Variants in ARHGAP35 observed in about 807,000 individuals in gnomAD.
ARHGAP35 encodes the protein rho GTPase-activating protein 35.
ARHGAP35 carries 15 observed loss-of-function variants against 111.1 expected under a neutral mutation model. The observed-to-expected ratio is 0.13, with a 90% CI of 0.09 to 0.21. ARHGAP35 has a LOEUF of 0.21. Ranked by LOEUF, ARHGAP35 falls within the 10% of genes least tolerant of loss-of-function variation. The probability of loss-of-function intolerance (pLI) is 1.00; values close to 1 mark genes in which losing one functional copy is unlikely to be tolerated. For missense variants in ARHGAP35, 1,262 were observed against 1,873.0 expected (o/e 0.67, Z 6.02); for synonymous variants, 643 against 710.3 (o/e 0.91, Z 1.51).
intron 1 of ARHGAP35, among the ~76,000 whole-genome samples, chr19:46,882,595 A>G (rs1181398485): frequency 6.6e-6 from 1 of 152,158 alleles, no homozygotes; most frequent in East Asian, 1.9e-4. Context: ...TCGACCTGTC[A>G]TCTAGGTTTT....
chr19:46,869,825 G>A (rs1385891671), intron 1 of ARHGAP35, among the ~76,000 whole-genome samples: 1 of 151,934 alleles, frequency 6.6e-6, no homozygotes, highest in Non-Finnish European at 1.5e-5. Flanking sequence ...CTAAATGATT[G>A]GTGATAAAAT....
chr19:46,999,234 C>A lies in ARHGAP35; in HGVS notation c.4037-70C>A. 1 of 1,062,334 alleles carries A rather than the reference C, an allele frequency of 9.4e-7. No individual in the cohort carries two copies. The highest frequency in any genetic ancestry group is 1.4e-6 in the Non-Finnish European group (1 of 707,880). 65.8% of individuals were successfully genotyped at this position (1,062,334 alleles called of 1,614,324 possible). The stretch of plus-strand genomic sequence containing the variant: ...GGCTGTCCTCAGAGAAGGCCCATCA[C>A]AGAGCACGCCCTGGGGTGGCCACCA... On this transcript the variant is annotated intron_variant, in intron 5 of 6. Transcript: ENST00000672722. The surrounding 1 kb of genome is among the most constrained non-coding windows in gnomAD (Gnocchi z 5.4).
At chr19:46,871,716 T>C (rs2055888488) in intron 1 of ARHGAP35, among the ~76,000 whole-genome samples, 1 of 150,920 alleles carries the variant, frequency 6.6e-6, no homozygotes, top group Non-Finnish European at 1.5e-5. Context: ...CAGTGGCTCA[T>C]GCCTGTAATC....
At position 46,937,403 on chromosome 19, in the gene ARHGAP35, C is replaced by T. The variant is rs760529239; in HGVS notation, c.3821C>T (p.Ala1274Val). The T allele has an allele frequency of 6.2e-7, 1 of 1,613,862 alleles. No homozygotes were observed. Among genetic ancestry groups the T allele is most frequent in the South Asian group, 1.1e-5 (1 of 91,070 alleles). ...GAAAGATGTATTGAGTACATTGAAG[C>T]CACAGGTAAGAGTATTACCTCATAG... ...FIERCIEYIE[A>V]TGLSTEGIYR... is the part of the protein sequence containing the mutation. The change falls in exon 3 of 7, where the codon GCC becomes GTC. Residue 1274 changes from alanine to valine, a missense_variant. Physicochemically the swap from Ala to Val is moderately conservative, Grantham distance 64. Transcript: ENST00000672722.
At chr19:46,941,249 G>A (rs1219154945) in intron 3 of ARHGAP35, among the ~76,000 whole-genome samples, 2 of 152,082 alleles carry the variant, frequency 1.3e-5, no homozygotes, top group Non-Finnish European at 2.9e-5. Flanking sequence ...CTTTTTGCCT[G>A]TGGAACTTAT....
Position 46,918,940 on chromosome 19 carries a change from T to G in ARHGAP35, c.265T>G (p.Cys89Gly). Reference sequence around the variant, plus strand: ...CCGCTCCCTGGAGGATTGTGTGGAATGTAAGATGCACATTGTGGAGCAGAC... The same window carrying G: ...CCGCTCCCTGGAGGATTGTGTGGAAGGTAAGATGCACATTGTGGAGCAGAC... ...VSRSLEDCVE[C>G]KMHIVEQTEF... The change falls in exon 2 of 7, where the codon TGT (cysteine) becomes GGT (glycine). Residue 89 changes from cysteine to glycine, a missense_variant. Transcript: ENST00000672722. The surrounding 1 kb of genome is among the most constrained non-coding windows in gnomAD (Gnocchi z 5.4). The G allele has an allele frequency of 6.2e-7, 1 of 1,614,000 alleles. No individual in the cohort carries two copies. Among genetic ancestry groups the G allele is most frequent in the Non-Finnish European group, 8.5e-7 (1 of 1,179,890 alleles).
intron 2 of ARHGAP35, among the ~76,000 whole-genome samples, chr19:46,934,936 G>C (rs577807828): frequency 1.3e-5 from 2 of 152,238 alleles, no homozygotes; most frequent in Admixed American, 6.5e-5. Context: ...GCCTCCCATA[G>C]TGCTAGGATT....
chr19:46,937,532 A>G, intron 3 of ARHGAP35, 124 bp downstream of exon 3: 3 of 1,105,756 alleles, frequency 2.7e-6, no homozygotes, highest in Non-Finnish European at 2.7e-6. Context: ...TTGGAGAAGG[A>G]GCTGAGCAGT....
Position 46,910,458 on chromosome 19 carries a change from AT to A in ARHGAP35, c.-188-8015del, listed in dbSNP as rs775045850. 4.6e-3 allele frequency among the ~76,000 whole-genome samples: 639 copies of A among 138,786 alleles called. 1 individual carries two copies. The highest frequency in any genetic ancestry group is 5.5e-3 in the East Asian group (26 of 4,752). The allele number at this position is 138,786 out of a possible 152,430, so 91.0% of individuals were successfully genotyped here. A position where few individuals can be genotyped will look rare whatever the true frequency, so the allele number is the denominator to read the frequency against. ...TGGCATGCACCACCTCACCCAGCGA[AT>A]TTTTTTTTTTTTTTGTATTTTGGGG... is the stretch of plus-strand genomic sequence containing the variant. On this transcript the variant is annotated intron_variant, in intron 1 of 6. Coordinates refer to ENST00000672722, the MANE Select transcript of ARHGAP35 (RefSeq NM_004491.5).
At chr19:46,876,623 G>A (rs552088368) in intron 1 of ARHGAP35, among the ~76,000 whole-genome samples, 14 of 151,530 alleles carry the variant, frequency 9.2e-5, no homozygotes, top group Non-Finnish European at 1.9e-4. Flanking sequence ...CACCTGCCTC[G>A]GCCTCCCAAA....
At position 46,918,055 on chromosome 19, in the gene ARHGAP35, A is replaced by G. The variant is rs1269512102; in HGVS notation, c.-188-433A>G. On this transcript the variant is annotated intron_variant, in intron 1 of 6. Transcript: ENST00000672722. This position sits in a 1 kb window ranked among gnomAD's most constrained non-coding sequence, Gnocchi z 5.4. ...CAGTGGGTTTATAATTCATTACCAT[A>G]CTTAATTATTGTGGCGCTCAAATTG... 6.6e-6 allele frequency among the ~76,000 whole-genome samples: 1 copy of G among 152,132 alleles called. No individual in the cohort carries two copies. The highest frequency in any genetic ancestry group is 1.5e-5 in the Non-Finnish European group (1 of 68,028).
At chr19:46,875,334 T>G (rs1011461814) in intron 1 of ARHGAP35, among the ~76,000 whole-genome samples, 1 of 152,172 alleles carries the variant, frequency 6.6e-6, no homozygotes, top group African/African-American at 2.4e-5. Flanking sequence ...TGTGAGATTT[T>G]TGTCTTTTGT....
chr19:46,961,031 A>T (rs1368124550), intron 3 of ARHGAP35, among the ~76,000 whole-genome samples: 1 of 151,832 alleles, frequency 6.6e-6, no homozygotes, highest in East Asian at 1.9e-4. Flanking sequence ...AGTAGCTGGG[A>T]TTACCGGCGC....
At chr19:46,875,644 CTT>C (rs1344090391) in intron 1 of ARHGAP35, among the ~76,000 whole-genome samples, 1 of 152,012 alleles carries the variant, frequency 6.6e-6, no homozygotes, top group Non-Finnish European at 1.5e-5. Context: ...TTGCCACAGT[CTT>C]TTTATTTTTA....
chr19:46,875,187 G>A lies in ARHGAP35; in HGVS notation c.-189+13978G>A, dbSNP rs146231221. ...TATTGTTGTTTTTATTTAACAAGACGTCTACACATATATCTATTAAATATT... is the reference window on the plus strand; with the variant it reads ...TATTGTTGTTTTTATTTAACAAGACATCTACACATATATCTATTAAATATT... On this transcript the variant is annotated intron_variant, in intron 1 of 6. Coordinates refer to ENST00000672722, the MANE Select transcript of ARHGAP35 (RefSeq NM_004491.5). 9.6e-3 allele frequency among the ~76,000 whole-genome samples: 1,453 copies of A among 152,102 alleles called. 19 individuals carry two copies. Among genetic ancestry groups the A allele is most frequent in the Non-Finnish European group, 0.013 (864 of 68,000 alleles).
chr19:46,880,831 A>T (rs959262828), intron 1 of ARHGAP35, among the ~76,000 whole-genome samples: 1 of 151,430 alleles, frequency 6.6e-6, no homozygotes, highest in Non-Finnish European at 1.5e-5. Flanking sequence ...ACATGCTGCC[A>T]TGCTGGACTA....
intron 3 of ARHGAP35, among the ~76,000 whole-genome samples, chr19:46,977,282 G>A (rs929423786): frequency 3.9e-5 from 6 of 152,196 alleles, no homozygotes; most frequent in African/African-American, 9.7e-5. Context: ...AACCCACTAC[G>A]TTCCTAGTGA....
chr19:46,919,551 G>A lies in ARHGAP35; in HGVS notation c.876G>A (p.Trp292Ter). 1.2e-6 allele frequency: 2 copies of A among 1,613,970 alleles called. No homozygotes were observed. Among genetic ancestry groups the A allele is most frequent in the Non-Finnish European group, 1.7e-6 (2 of 1,179,902 alleles). The stretch of plus-strand genomic sequence containing the variant: ...TTGTGAAAAACCACAATGAGAACTG[G>A]CTGAGTGTCAGCCGAAAGATGCAGG... ...SRIVKNHNEN[W>*]LSVSRKMQAS... The change falls in exon 2 of 7, where the codon TGG (tryptophan) becomes TGA (stop). Residue 292 changes from tryptophan (W) to a stop codon, truncating the protein, a stop_gained. Coordinates refer to ENST00000672722, the MANE Select transcript of ARHGAP35 (RefSeq NM_004491.5). LOFTEE classifies it high-confidence loss of function. The surrounding 1 kb of genome is among the most constrained non-coding windows in gnomAD (Gnocchi z 6.2).
At position 46,932,244 on chromosome 19, in the gene ARHGAP35, G is replaced by A. The variant is rs201579336; in HGVS notation, c.3682-5020G>A. 1.2e-4 allele frequency among the ~76,000 whole-genome samples: 18 copies of A among 152,272 alleles called. No individual in the cohort carries two copies. In the East Asian group the frequency reaches 2.1e-3, roughly 18 times the overall value. ...TTGTAGTGAGCCAAGATTGCGCTAC[G>A]GCACTCCAGCTTGGGTGACGGAGTA... On this transcript the variant is annotated intron_variant, in intron 2 of 6. Transcript: ENST00000672722.
Sources: allele counts gnomAD v4.1 joint callset (sites outside exome capture counted in the v4.1 genomes callset), GRCh38; gene constraint gnomAD v4.1.1; non-coding constraint Gnocchi (gnomAD v3.1); transcripts MANE v1.5; gene names NCBI Gene and HGNC (gene_info 2026-07-23, HGNC 2026-07-21).